Variants in NFASC observed in about 807,000 individuals in gnomAD.
The protein encoded by NFASC is neurofascin.
Under a neutral mutation model 147.5 loss-of-function variants are expected in NFASC, and 43 were observed. The ratio of observed to expected loss-of-function variants is 0.29; its 90% CI spans 0.23 to 0.38. The LOEUF (loss-of-function observed/expected upper bound fraction) is 0.38. Ranked by LOEUF, NFASC falls within the 10% of genes least tolerant of loss-of-function variation. The pLI is 1.00. For synonymous variants in NFASC, 622 were observed against 665.5 expected, an observed-to-expected ratio of 0.93 and a Z score of 1.01; for missense variants, 1,320 against 1,689.0, an observed-to-expected ratio of 0.78 and a Z score of 3.83.
At chr1:204,835,762 C>T (rs1405963144) in intron 1 of NFASC, among the ~76,000 whole-genome samples, 1 of 152,156 alleles carries the variant, frequency 6.6e-6, no homozygotes, top group Non-Finnish European at 1.5e-5. Context: ...CGTTGCACTG[C>T]TGTCTCCCTG....
intron 25 of NFASC, 144 bp downstream of exon 25, chr1:204,997,550 T>A (rs2150796833): frequency 1.0e-6 from 1 of 969,728 alleles, no homozygotes; most frequent in Non-Finnish European, 1.6e-6. Context: ...CTTTGGAAAC[T>A]CACCCGTGAC....
At chr1:204,858,647 C>T (rs2076380088) in intron 1 of NFASC, among the ~76,000 whole-genome samples, 1 of 152,262 alleles carries the variant, frequency 6.6e-6, no homozygotes, top group African/African-American at 2.4e-5. Flanking sequence ...CTCACTCCCT[C>T]CGCTCCCCCT....
intron 2 of NFASC, among the ~76,000 whole-genome samples, chr1:204,941,037 T>C (rs1048507180): frequency 6.6e-6 from 1 of 152,252 alleles, no homozygotes; most frequent in Non-Finnish European, 1.5e-5. Context: ...CTTTTTTAAA[T>C]AGCAACCTTA....
chr1:204,933,688 G>A (rs755988250), intron 2 of NFASC, among the ~76,000 whole-genome samples: 3 of 152,036 alleles, frequency 2.0e-5, no homozygotes, highest in Non-Finnish European at 4.4e-5. Flanking sequence ...TTCAGCCAGT[G>A]GGAGGTCAGG....
chr1:204,915,244 G>GCACT (rs1251292235), intron 1 of NFASC, among the ~76,000 whole-genome samples: 12 of 152,152 alleles, frequency 7.9e-5, no homozygotes, highest in African/African-American at 2.9e-4. Context: ...TAGCACCACT[G>GCACT]CACTCCAGCC....
intron 1 of NFASC, among the ~76,000 whole-genome samples, chr1:204,835,400 G>T (rs1384671848): frequency 6.6e-6 from 1 of 151,744 alleles, no homozygotes; most frequent in Admixed American, 6.6e-5. Context: ...GCTAATTTTT[G>T]TATTTTTTGT....
intron 1 of NFASC, among the ~76,000 whole-genome samples, chr1:204,848,782 T>C (rs1324392155): frequency 2.6e-5 from 4 of 152,364 alleles, no homozygotes; most frequent in Middle Eastern, 6.8e-3. Context: ...GGAGAGCTCG[T>C]TGCCCTCTTC....
At position 204,954,135 on chromosome 1, in the gene NFASC, G is replaced by T; in HGVS notation, c.216-53G>T. 4 of 1,541,584 alleles carry T rather than the reference G, an allele frequency of 2.6e-6. No individual in the cohort carries two copies. In the South Asian group the frequency reaches 4.5e-5, roughly 17 times the overall value. On this transcript the variant is annotated intron_variant, in intron 5 of 29. Coordinates refer to ENST00000339876, the MANE Select transcript of NFASC (RefSeq NM_001005388.3). This position sits in a 1 kb window ranked among gnomAD's most constrained non-coding sequence, Gnocchi z 5.7. The stretch of plus-strand genomic sequence containing the variant: ...ACTAGGGATCTGAGATCTGCCTGGA[G>T]CCCAGAGCCCACCCCATTCGTCTTG...
chr1:204,943,502 A>G (rs1241105421), intron 2 of NFASC, among the ~76,000 whole-genome samples: 3 of 152,236 alleles, frequency 2.0e-5, no homozygotes, highest in Non-Finnish European at 4.4e-5. Flanking sequence ...CACTGCCGTT[A>G]TCTATAAAAG....
At position 205,012,846 on chromosome 1, in the gene NFASC, G is replaced by C. The variant is rs1400128551; in HGVS notation, c.3471G>C (p.Glu1157Asp). 2.5e-6 allele frequency: 4 copies of C among 1,613,622 alleles called. No individual in the cohort carries two copies. The highest frequency in any genetic ancestry group is 8.5e-7 in the Non-Finnish European group (1 of 1,179,524). The change falls in exon 29 of 30, where the codon GAG becomes GAC. Residue 1157 changes from glutamate (E) to aspartate (D), a missense_variant. Coordinates refer to ENST00000339876, the MANE Select transcript of NFASC (RefSeq NM_001005388.3). Reference protein sequence around the residue: ...VPLGPEDPKEEDGSFDYSDED... With the variant: ...VPLGPEDPKEDDGSFDYSDED... ...TTGGCCCTGAAGACCCCAAGGAAGAGGATGGCTCATTTGACTATAGGTGCG... is the reference window on the plus strand; with the variant it reads ...TTGGCCCTGAAGACCCCAAGGAAGACGATGGCTCATTTGACTATAGGTGCG...
In NFASC at chr1:204,983,018, T is replaced by C. The variant is rs1558361654; in HGVS notation, c.2470+998T>C. On this transcript the variant is annotated intron_variant, in intron 21 of 29. Coordinates refer to ENST00000339876, the MANE Select transcript of NFASC (RefSeq NM_001005388.3). ...AGAGGGTCAGCAGGTCCTCTGTCCA[T>C]CCCACTCCTCACCTCCATGGTGGTG... Among the ~76,000 whole-genome samples, 3 of 152,226 alleles carry C rather than the reference T, an allele frequency of 2.0e-5. No homozygotes were observed. In the East Asian group the frequency reaches 5.8e-4, roughly 30 times the overall value.
intron 1 of NFASC, among the ~76,000 whole-genome samples, chr1:204,846,750 G>A (rs1053113662): frequency 1.3e-5 from 2 of 152,148 alleles, no homozygotes; most frequent in South Asian, 4.1e-4. Context: ...GCCAAGCCTG[G>A]GAAGAGCCCA....
At position 204,976,762 on chromosome 1, in the gene NFASC, C is replaced by A; in HGVS notation, c.1798C>A (p.Gln600Lys). 6.2e-7 allele frequency: 1 copy of A among 1,614,028 alleles called. No homozygotes were observed. ...YTCVASTELD[Q>K]DLAKAYLTVL... ...GTGTGTCGCCAGCACCGAGCTAGAC[C>A]AAGACCTGGCCAAGGCCTACCTCAC... The change falls in exon 16 of 30, where the codon CAA becomes AAA. Residue 600 changes from glutamine to lysine, a missense_variant. Transcript: ENST00000339876.
At chr1:204,912,668 A>C (rs2087901490) in intron 1 of NFASC, among the ~76,000 whole-genome samples, 3 of 151,824 alleles carry the variant, frequency 2.0e-5, no homozygotes, top group Non-Finnish European at 4.4e-5. Context: ...ACACCACTGC[A>C]CTCCAGCCTG....
At chr1:204,993,376 C>T (rs2095782352) in intron 24 of NFASC, among the ~76,000 whole-genome samples, 1 of 152,228 alleles carries the variant, frequency 6.6e-6, no homozygotes, top group African/African-American at 2.4e-5. Context: ...TTCTTTGACC[C>T]AGCTCAGGTC....
At position 204,981,935 on chromosome 1, in the gene NFASC, G is replaced by A. The variant is rs781512275; in HGVS notation, c.2385G>A (p.Val795=). 6.2e-7 allele frequency: 1 copy of A among 1,609,054 alleles called. No homozygotes were observed. The highest frequency in any genetic ancestry group is 1.3e-5 in the African/African-American group (1 of 74,848). Residue 795 remains valine, a synonymous_variant, in exon 21 of 30, where the codon GTG becomes GTA. Transcript: ENST00000339876. Reference sequence around the variant, plus strand: ...TGGTGGGGCAGACCCCAGTCTACGTGCCCTATGAGATCCGAGTCCAGGCTG... The same window carrying A: ...TGGTGGGGCAGACCCCAGTCTACGTACCCTATGAGATCCGAGTCCAGGCTG... ...RYVVGQTPVY[V]PYEIRVQAEN... is the part of the protein sequence containing the mutation.
chr1:204,862,414 C>A (rs189362414), intron 1 of NFASC, among the ~76,000 whole-genome samples: 1 of 152,300 alleles, frequency 6.6e-6, no homozygotes, highest in Non-Finnish European at 1.5e-5. Flanking sequence ...AAGGAGACAG[C>A]ACTAATTTAA....
intron 8 of NFASC, among the ~76,000 whole-genome samples, chr1:204,960,375 G>T (rs762305310): frequency 6.6e-6 from 1 of 152,200 alleles, no homozygotes; most frequent in South Asian, 2.1e-4. Context: ...AGCTGGGCCC[G>T]TCCCACTCTG....
At chr1:204,895,310 T>A (rs1251343495) in intron 1 of NFASC, among the ~76,000 whole-genome samples, 1 of 152,180 alleles carries the variant, frequency 6.6e-6, no homozygotes, top group African/African-American at 2.4e-5. Context: ...TGTCTACACT[T>A]TACCCAACAG....
Sources: gnomAD v4.1 joint callset for allele counts (sites outside exome capture counted in the v4.1 genomes callset) on GRCh38, gnomAD v4.1.1 for gene constraint, Gnocchi (gnomAD v3.1) non-coding constraint, MANE v1.5 for transcripts, NCBI Gene and HGNC (gene_info 2026-07-23, HGNC 2026-07-21) for gene names.